The following DIAPH3 variants were observed in gnomAD, a reference collection of about 807,000 sequenced individuals.
DIAPH3 encodes the protein protein diaphanous homolog 3.
In DIAPH3, 117 loss-of-function variants were observed where a neutral mutation model predicts 144.3. That is an observed-to-expected ratio of 0.81 (90% CI 0.70 to 0.95). DIAPH3 has a LOEUF of 0.95. Among genes scored for constraint, DIAPH3 ranks in the 40% least tolerant of loss-of-function variants. DIAPH3 has a pLI of 0.00. For synonymous variants in DIAPH3, 519 were observed against 488.9 expected, an observed-to-expected ratio of 1.06 and a Z score of -0.81; for missense variants, 1,421 against 1,412.7, an observed-to-expected ratio of 1.01 and a Z score of -0.09.
At position 59,774,606 on chromosome 13, in the gene DIAPH3, C is replaced by G. The variant is rs557741166; in HGVS notation, c.3259+122G>C. The G allele has an allele frequency of 5.8e-4, 539 of 935,020 alleles. 1 individual carries two copies. Among genetic ancestry groups the G allele is most frequent in the Non-Finnish European group, 8.1e-4 (475 of 584,716 alleles). The allele number at this position is 935,020 out of a possible 1,614,324, so 57.9% of individuals were successfully genotyped here. ...GGGATTAAGCAAACTTATGAAACTT[C>G]TGAACAGTTGTTGCCCACGGCACTG... On this transcript the variant is annotated intron_variant, in intron 26 of 27. Transcript: ENST00000400324.
intron 2 of DIAPH3, among the ~76,000 whole-genome samples, chr13:60,131,300 G>T (rs1274187381): frequency 6.6e-6 from 1 of 151,626 alleles, no homozygotes; most frequent in Non-Finnish European, 1.5e-5. Flanking sequence ...GCTAGGTGAG[G>T]TGGTGCATGC....
At chr13:60,105,694 C>T (rs999115558) in intron 3 of DIAPH3, among the ~76,000 whole-genome samples, 6 of 152,120 alleles carry the variant, frequency 3.9e-5, no homozygotes, top group African/African-American at 1.4e-4. Flanking sequence ...TCCCACAGAA[C>T]CTCTCTCATT....
intron 4 of DIAPH3, among the ~76,000 whole-genome samples, chr13:60,047,350 C>A (rs1427430581): frequency 5.3e-5 from 8 of 151,716 alleles, no homozygotes. Flanking sequence ...AAACTACATT[C>A]TAAAATTTAT....
At chr13:59,979,572 C>T (rs1180134254) in intron 14 of DIAPH3, among the ~76,000 whole-genome samples, 1 of 151,652 alleles carries the variant, frequency 6.6e-6, no homozygotes, top group East Asian at 1.9e-4. Flanking sequence ...TGGGAAATAA[C>T]AACCTCTCAT....
chr13:59,839,763 A>T (rs949995858), intron 22 of DIAPH3, among the ~76,000 whole-genome samples: 2 of 152,194 alleles, frequency 1.3e-5, no homozygotes, highest in Non-Finnish European at 2.9e-5. Context: ...CTATTCAGAG[A>T]CAAAAAGAAA....
intron 27 of DIAPH3, among the ~76,000 whole-genome samples, chr13:59,758,712 A>C (rs1459849511): frequency 6.6e-6 from 1 of 152,176 alleles, no homozygotes; most frequent in East Asian, 1.9e-4. Flanking sequence ...GTCCTAAATC[A>C]ATGCAATACA....
At chr13:60,086,982 A>G (rs79918663) in intron 4 of DIAPH3, among the ~76,000 whole-genome samples, 2,331 of 152,282 alleles carry the variant, frequency 0.015, 78 homozygotes, top group African/African-American at 0.054. Flanking sequence ...CCAGTCTCTG[A>G]TAAAAAATGG....
chr13:59,668,186 T>C (rs377402513), intron 27 of DIAPH3, among the ~76,000 whole-genome samples: 10 of 152,238 alleles, frequency 6.6e-5, no homozygotes, highest in African/African-American at 2.4e-4. Context: ...GCTTATAATG[T>C]ACATATTGTG....
chr13:60,150,127 T>A (rs1326369887), intron 1 of DIAPH3, among the ~76,000 whole-genome samples: 1 of 152,034 alleles, frequency 6.6e-6, no homozygotes, highest in African/African-American at 2.4e-5. Flanking sequence ...GTTCAAGCAA[T>A]CCTCCCACCT....
intron 17 of DIAPH3, among the ~76,000 whole-genome samples, chr13:59,929,554 CTTTTTTTTTTTTTTTTT>C (rs1167902415): frequency 3.6e-5 from 2 of 56,090 alleles, no homozygotes; most frequent in South Asian, 1.3e-3. Context: ...AAATTTTGTT[CTTTTTTTTTTTTTTTTT>C]TTTTTTTTTG....
intron 21 of DIAPH3, among the ~76,000 whole-genome samples, chr13:59,873,524 T>A (rs961636568): frequency 2.6e-5 from 4 of 152,130 alleles, no homozygotes; most frequent in African/African-American, 9.7e-5. Context: ...TAGAGACTTG[T>A]AAAATGGCTC....
At chr13:59,733,090 C>A (rs919531494) in intron 27 of DIAPH3, among the ~76,000 whole-genome samples, 9 of 152,078 alleles carry the variant, frequency 5.9e-5, no homozygotes, top group African/African-American at 1.9e-4. Flanking sequence ...GATAGACAAT[C>A]TTTAGGTTCC....
intron 4 of DIAPH3, among the ~76,000 whole-genome samples, chr13:60,091,927 C>G (rs528263152): frequency 1.3e-5 from 2 of 151,964 alleles, no homozygotes; most frequent in African/African-American, 4.8e-5. Context: ...ACTGCAGCCT[C>G]GAACTCCTGG....
At chr13:60,078,321 G>A (rs1197936330) in intron 4 of DIAPH3, among the ~76,000 whole-genome samples, 1 of 152,092 alleles carries the variant, frequency 6.6e-6, no homozygotes, top group Non-Finnish European at 1.5e-5. Context: ...ATAGTTAAAT[G>A]TGACTAAAGA....
chr13:59,833,077 A>T, intron 24 of DIAPH3, 30 bp downstream of exon 24: 1 of 1,568,138 alleles, frequency 6.4e-7, no homozygotes, highest in Non-Finnish European at 8.7e-7. Context: ...AAATAAAAAA[A>T]CTTTTTAAAA....
At chr13:59,815,588 T>C (rs1406398369) in intron 24 of DIAPH3, among the ~76,000 whole-genome samples, 1 of 152,094 alleles carries the variant, frequency 6.6e-6, no homozygotes, top group African/African-American at 2.4e-5. Flanking sequence ...TCAAAAACAA[T>C]GATTTCTATT....
intron 2 of DIAPH3, among the ~76,000 whole-genome samples, chr13:60,123,665 A>T (rs2058907022): frequency 1.3e-5 from 2 of 152,202 alleles, no homozygotes; most frequent in African/African-American, 2.4e-5. Flanking sequence ...CAGTCGCCCC[A>T]ATCCATGCTG....
intron 25 of DIAPH3, 74 bp downstream of exon 25, chr13:59,810,714 T>C: frequency 6.6e-7 from 1 of 1,511,846 alleles, no homozygotes. Context: ...ACTAAGTTCA[T>C]TAATATACTA....
intron 1 of DIAPH3, among the ~76,000 whole-genome samples, chr13:60,148,186 G>A (rs1444110134): frequency 2.0e-5 from 3 of 152,184 alleles, no homozygotes; most frequent in East Asian, 1.9e-4. Flanking sequence ...AGATAAATTC[G>A]AGTTGAGATA....
Sources: allele counts gnomAD v4.1 joint callset (sites outside exome capture counted in the v4.1 genomes callset), GRCh38; gene constraint gnomAD v4.1.1; transcripts MANE v1.5; gene names NCBI Gene and HGNC (gene_info 2026-07-23, HGNC 2026-07-21).